The following ITPRID2 variants were observed in gnomAD, a reference collection of about 807,000 sequenced individuals.
ITPRID2 encodes ITPR interacting domain containing 2.
A neutral mutation model predicts 124.3 loss-of-function variants in ITPRID2; 60 were observed. That is an observed-to-expected ratio of 0.48 (90% CI 0.39 to 0.60). The LOEUF (loss-of-function observed/expected upper bound fraction) is 0.60. Among genes scored for constraint, ITPRID2 ranks in the 20% least tolerant of loss-of-function variants. The probability of loss-of-function intolerance (pLI) is 0.00; values close to 1 mark genes in which losing one functional copy is unlikely to be tolerated. For missense variants in ITPRID2, 1,553 were observed against 1,512.2 expected (o/e 1.03, Z -0.45); for synonymous variants, 521 against 542.9 (o/e 0.96, Z 0.56).
intron 9 of ITPRID2, among the ~76,000 whole-genome samples, chr2:181,912,502 A>G (rs1693683696): frequency 6.6e-6 from 1 of 152,220 alleles, no homozygotes; most frequent in Non-Finnish European, 1.5e-5. Context: ...TAAATTTTTA[A>G]TGGGAAAAAT....
chr2:181,902,506 C>A lies in ITPRID2; in HGVS notation c.1413+40C>A, dbSNP rs1406666629. 3 of 1,412,618 alleles carry A rather than the reference C, an allele frequency of 2.1e-6. No individual in the cohort carries two copies. Among genetic ancestry groups the A allele is most frequent in the South Asian group, 1.6e-5 (1 of 63,674 alleles). 87.5% of individuals were successfully genotyped at this position (1,412,618 alleles called of 1,614,324 possible). A position where few individuals can be genotyped will look rare whatever the true frequency, so the allele number is the denominator to read the frequency against. On this transcript the variant is annotated intron_variant, in intron 8 of 17. Coordinates refer to ENST00000431877, the MANE Select transcript of ITPRID2 (RefSeq NM_001130445.3). This position sits in a 1 kb window ranked among gnomAD's most constrained non-coding sequence, Gnocchi z 4.4. Reference sequence around the variant, plus strand: ...ACTGAGACTGGTTTCAAGTTGCAGACTAGGAAAAAAAGTACCAAAAATGCT... The same window carrying A: ...ACTGAGACTGGTTTCAAGTTGCAGAATAGGAAAAAAAGTACCAAAAATGCT...
In ITPRID2 at chr2:181,892,527, A is replaced by T; in HGVS notation, c.212-88A>T. The stretch of plus-strand genomic sequence containing the variant: ...TCGCTTAGGCTGCATTTGCCGTGGT[A>T]GATTTTCCTACTTGGGAGGGTCCAG... On this transcript the variant is annotated intron_variant, in intron 1 of 17. Coordinates refer to ENST00000431877, the MANE Select transcript of ITPRID2 (RefSeq NM_001130445.3). The surrounding 1 kb of genome is among the most constrained non-coding windows in gnomAD (Gnocchi z 5.2). 1 of 1,526,926 alleles carries T rather than the reference A, an allele frequency of 6.5e-7. No individual in the cohort carries two copies. The highest frequency in any genetic ancestry group is 9.1e-7 in the Non-Finnish European group (1 of 1,101,624). 94.6% of individuals were successfully genotyped at this position (1,526,926 alleles called of 1,614,324 possible). A position where few individuals can be genotyped will look rare whatever the true frequency, so the allele number is the denominator to read the frequency against.
At chr2:181,898,859 G>A (rs3731693) in intron 4 of ITPRID2, 21 bp from the exon 5 acceptor site, 58,001 of 1,576,346 alleles carry the variant, frequency 0.037, 2,028 homozygotes, top group African/African-American at 0.13. Flanking sequence ...TGTGCTCTAC[G>A]TTTATTGTTT....
rs1193759347 is a variant in ITPRID2, at chr2:181,919,309, C to G, written c.3007C>G (p.Gln1003Glu). 4 of 1,614,026 alleles carry G rather than the reference C, an allele frequency of 2.5e-6. No individual in the cohort carries two copies. The Admixed American group carries it at 5.0e-5, about 20-fold the overall frequency. Reference sequence around the variant, plus strand: ...CCATACCAATAGGTTTGAAGTTGATCAGCTCCAGGGTTTGAGAAATTCAGT... The same window carrying G: ...CCATACCAATAGGTTTGAAGTTGATGAGCTCCAGGGTTTGAGAAATTCAGT... ...MTEEERFEVDQLQGLRNSVRM... is the reference protein window; with the variant it reads ...MTEEERFEVDELQGLRNSVRM... Residue 1003 changes from glutamine (Q) to glutamate (E), a missense_variant, in exon 14 of 18, where the codon CAG becomes GAG. Gln to Glu is a conservative substitution (Grantham distance 29, BLOSUM62 2). Coordinates refer to ENST00000431877, the MANE Select transcript of ITPRID2 (RefSeq NM_001130445.3). This position sits in a 1 kb window ranked among gnomAD's most constrained non-coding sequence, Gnocchi z 4.2.
chr2:181,916,419 C>T lies in ITPRID2; in HGVS notation c.2779C>T (p.Leu927Phe). 1 of 1,611,812 alleles carries T rather than the reference C, an allele frequency of 6.2e-7. No homozygotes were observed. The highest frequency in any genetic ancestry group is 8.5e-7 in the Non-Finnish European group (1 of 1,178,438). The change falls in exon 11 of 18, where the codon CTT becomes TTT. Residue 927 changes from leucine to phenylalanine, a missense_variant. Leu to Phe is a conservative substitution (Grantham distance 22, BLOSUM62 0). Transcript: ENST00000431877. ...LHDIRNSLQN[L>F]SQYPMMRGPD... ...TGATATTAGAAACTCACTGCAGAATCTTTCACAGGTATGAGAAAAAGTATG... is the reference window on the plus strand; with the variant it reads ...TGATATTAGAAACTCACTGCAGAATTTTTCACAGGTATGAGAAAAAGTATG...
chr2:181,925,082 A>C (rs1694748115), intron 16 of ITPRID2, among the ~76,000 whole-genome samples: 2 of 152,208 alleles, frequency 1.3e-5, no homozygotes, highest in Non-Finnish European at 2.9e-5. Context: ...CATAGACTTG[A>C]TTCATGCCTT....
Position 181,919,398 on chromosome 2 carries a change from G to C in ITPRID2, c.3096G>C (p.Gln1032His). 6.2e-7 allele frequency: 1 copy of C among 1,613,622 alleles called. No homozygotes were observed. Among genetic ancestry groups the C allele is most frequent in the Non-Finnish European group, 8.5e-7 (1 of 1,179,808 alleles). Residue 1032 changes from glutamine to histidine, a missense_variant, in exon 14 of 18, where the codon CAG becomes CAC. Physicochemically the swap from Gln to His is conservative, Grantham distance 24 (BLOSUM62 0). Transcript: ENST00000431877. This position sits in a 1 kb window ranked among gnomAD's most constrained non-coding sequence, Gnocchi z 4.2. ...LEERLLGLEE[Q>H]LRAVRMPSPF... ...AGCGCCTGCTGGGCCTGGAGGAGCAGCTTCGTGCTGTGCGCATGCCTTCAC... is the reference window on the plus strand; with the variant it reads ...AGCGCCTGCTGGGCCTGGAGGAGCACCTTCGTGCTGTGCGCATGCCTTCAC...
chr2:181,915,718 C>G lies in ITPRID2; in HGVS notation c.2078C>G (p.Thr693Arg). 1.2e-6 allele frequency: 2 copies of G among 1,614,070 alleles called. No homozygotes were observed. Among genetic ancestry groups the G allele is most frequent in the Non-Finnish European group, 1.7e-6 (2 of 1,180,026 alleles). ...GPPSSMDRVN[T>R]ALQRAQMKVC... ...CCCTCTTCCATGGACAGAGTTAATA[C>G]AGCTTTGCAAAGAGCTCAAATGAAG... Residue 693 changes from threonine to arginine, a missense_variant, in exon 11 of 18, where the codon ACA becomes AGA. By Grantham distance (71) the Thr-to-Arg change is moderately conservative. Coordinates refer to ENST00000431877, the MANE Select transcript of ITPRID2 (RefSeq NM_001130445.3).
Position 181,892,150 on chromosome 2 carries a change from C to G in ITPRID2, c.84C>G (p.Ala28=), listed in dbSNP as rs771302765. Residue 28 remains alanine (A), a synonymous_variant, in exon 1 of 18, where the codon GCC becomes GCG. Coordinates refer to ENST00000431877, the MANE Select transcript of ITPRID2 (RefSeq NM_001130445.3). The surrounding 1 kb of genome is among the most constrained non-coding windows in gnomAD (Gnocchi z 5.2). ...CGAGTCGCAGGAGGAAGGCCTGGGC[C>G]AAGTGCCGCAGCTCCTGGCAAGCGT... The part of the protein sequence containing the change: ...QVASRRRKAW[A]KCRSSWQASE... The G allele has an allele frequency of 1.1e-5, 17 of 1,557,166 alleles. No individual in the cohort carries two copies. In the South Asian group the frequency reaches 1.9e-4, roughly 17 times the overall value.
rs1265878407 is a variant in ITPRID2 at position 181,922,070 on chromosome 2, A to T, written c.3333A>T (p.Ser1111=). 1 of 1,614,138 alleles carries T rather than the reference A, an allele frequency of 6.2e-7. No homozygotes were observed. Among genetic ancestry groups the T allele is most frequent in the Non-Finnish European group, 8.5e-7 (1 of 1,180,062 alleles). ...SSESVFSQAT[S]ESSSVCSGPS... The stretch of plus-strand genomic sequence containing the variant: ...AATCTGTTTTTTCCCAAGCAACATC[A>T]GAATCATCTTCTGTATGTTCTGGTC... The change falls in exon 16 of 18, where the codon TCA becomes TCT. Residue 1111 remains serine, a synonymous_variant. Coordinates refer to ENST00000431877, the MANE Select transcript of ITPRID2 (RefSeq NM_001130445.3).
chr2:181,920,714 A>G (rs750416816), intron 15 of ITPRID2, 52 bp downstream of exon 15: 1 of 1,320,718 alleles, frequency 7.6e-7, no homozygotes, highest in Non-Finnish European at 1.1e-6. Flanking sequence ...ACAACATTTC[A>G]GACACATAGT....
Position 181,905,055 on chromosome 2 carries a change from CTTT to C in ITPRID2, c.1413+2603_1413+2605del, listed in dbSNP as rs869067212. 3.7e-5 allele frequency among the ~76,000 whole-genome samples: 5 copies of C among 136,412 alleles called. No homozygotes were observed. Among genetic ancestry groups the C allele is most frequent in the African/African-American group, 2.7e-5 (1 of 37,066 alleles). The allele number at this position is 136,412 out of a possible 152,430, so 89.5% of individuals were successfully genotyped here. A position where few individuals can be genotyped will look rare whatever the true frequency, so the allele number is the denominator to read the frequency against. On this transcript the variant is annotated intron_variant, in intron 8 of 17. Transcript: ENST00000431877. This position sits in a 1 kb window ranked among gnomAD's most constrained non-coding sequence, Gnocchi z 4.1. ...ATGAATGTTTATAACGATGTTTTTTCTTTTTTTTTTTTTTTTGAGACGGAGTCG... is the reference window on the plus strand; with the variant it reads ...ATGAATGTTTATAACGATGTTTTTTCTTTTTTTTTTTTTGAGACGGAGTCG...
rs939196740 is a variant in ITPRID2, at chr2:181,905,094, C to A, written c.1413+2628C>A. On this transcript the variant is annotated intron_variant, in intron 8 of 17. Coordinates refer to ENST00000431877, the MANE Select transcript of ITPRID2 (RefSeq NM_001130445.3). The surrounding 1 kb of genome is among the most constrained non-coding windows in gnomAD (Gnocchi z 4.1). ...TTTGAGACGGAGTCGCGCATTGTCA[C>A]CCGGGAGTGCAGTGGTGCAATCTTG... Among the ~76,000 whole-genome samples the A allele has an allele frequency of 2.0e-5, 3 of 148,870 alleles. No homozygotes were observed. The highest frequency in any genetic ancestry group is 7.5e-5 in the African/African-American group (3 of 40,010).
Position 181,892,227 on chromosome 2 carries a change from A to T in ITPRID2, c.161A>T (p.Asp54Val), listed in dbSNP as rs1448660670. The change falls in exon 1 of 18, where the codon GAC (aspartate) becomes GTC (valine). Residue 54 changes from aspartate to valine, a missense_variant. Asp to Val is a radical substitution (Grantham distance 152, BLOSUM62 -3). Transcript: ENST00000431877. This position sits in a 1 kb window ranked among gnomAD's most constrained non-coding sequence, Gnocchi z 5.2. Reference sequence around the variant, plus strand: ...GCGACGACGCAGGACGAGGAGGAGGACGAGGAGGAGGACCTCCCCGGCGCG... The same window carrying T: ...GCGACGACGCAGGACGAGGAGGAGGTCGAGGAGGAGGACCTCCCCGGCGCG... ...TEATTQDEEE[D>V]EEEDLPGAQL... 6.4e-7 allele frequency: 1 copy of T among 1,551,222 alleles called. No individual in the cohort carries two copies. Among genetic ancestry groups the T allele is most frequent in the Non-Finnish European group, 8.7e-7 (1 of 1,147,254 alleles).
chr2:181,915,419 C>T lies in ITPRID2; in HGVS notation c.1779C>T (p.Ser593=), dbSNP rs1350927537. Residue 593 remains serine, a synonymous_variant, in exon 11 of 18, where the codon AGC becomes AGT. Coordinates refer to ENST00000431877, the MANE Select transcript of ITPRID2 (RefSeq NM_001130445.3). ...TTGCAGACAAAAGAAAATCAGGTAG[C>T]CAGGATTTCCCTCAGTGCAACACCA... ...AAVADKRKSG[S]QDFPQCNTIE... is the part of the protein sequence containing the mutation. The T allele has an allele frequency of 6.2e-7, 1 of 1,613,952 alleles. No homozygotes were observed. The highest frequency in any genetic ancestry group is 2.2e-5 in the East Asian group (1 of 44,878).
chr2:181,917,837 A>G (rs1453266713), intron 11 of ITPRID2: 2 of 152,096 alleles, frequency 1.3e-5, no homozygotes, highest in Non-Finnish European at 2.9e-5. Context: ...TGCTGGAGAC[A>G]GTGGTGTAAT....
chr2:181,898,970 A>G, intron 5 of ITPRID2, 44 bp from the exon 6 acceptor site: 5 of 1,594,670 alleles, frequency 3.1e-6, no homozygotes, highest in Non-Finnish European at 4.3e-6. Flanking sequence ...ACCTTTAATG[A>G]AAATAAAGTT....
In ITPRID2 at chr2:181,916,174, C is replaced by G; in HGVS notation, c.2534C>G (p.Ser845Cys). Reference protein sequence around the residue: ...APPPMSQSTCSLHSIHSEWQE... With the variant: ...APPPMSQSTCCLHSIHSEWQE... ...CCACCAATGTCTCAGTCTACCTGTT[C>G]CCTTCATTCCATCCACTCTGAGTGG... is the stretch of plus-strand genomic sequence containing the variant. Residue 845 changes from serine to cysteine, a missense_variant, in exon 11 of 18, where the codon TCC becomes TGC. Physicochemically the swap from Ser to Cys is moderately radical, Grantham distance 112. Transcript: ENST00000431877. The G allele has an allele frequency of 6.2e-7, 1 of 1,614,204 alleles. No homozygotes were observed. The highest frequency in any genetic ancestry group is 8.5e-7 in the Non-Finnish European group (1 of 1,180,032).
At position 181,896,427 on chromosome 2, in the gene ITPRID2, A is replaced by C. The variant is rs1692209398; in HGVS notation, c.307+348A>C. 6.6e-6 allele frequency among the ~76,000 whole-genome samples: 1 copy of C among 152,010 alleles called. No individual in the cohort carries two copies. Among genetic ancestry groups the C allele is most frequent in the African/African-American group, 2.4e-5 (1 of 41,444 alleles). ...GTGCAGCATTTCTTTGCTTACATTT[A>C]CTGAAATTGCCACACCTAAAATTTT... is the stretch of plus-strand genomic sequence containing the variant. On this transcript the variant is annotated intron_variant, in intron 3 of 17. Coordinates refer to ENST00000431877, the MANE Select transcript of ITPRID2 (RefSeq NM_001130445.3). The surrounding 1 kb of genome is among the most constrained non-coding windows in gnomAD (Gnocchi z 4.3).
Sources: gnomAD v4.1 joint callset for allele counts (sites outside exome capture counted in the v4.1 genomes callset) on GRCh38, gnomAD v4.1.1 for gene constraint, Gnocchi (gnomAD v3.1) non-coding constraint, MANE v1.5 for transcripts, NCBI Gene and HGNC (gene_info 2026-07-23, HGNC 2026-07-21) for gene names.